The following ANKS1B variants were observed in gnomAD, a reference collection of about 807,000 sequenced individuals.
ANKS1B encodes ankyrin repeat and sterile alpha motif domain containing 1B.
Under a neutral mutation model 148.3 loss-of-function variants are expected in ANKS1B, and 36 were observed. That is an observed-to-expected ratio of 0.24 (90% CI 0.19 to 0.32). The LOEUF is 0.32. ANKS1B is among the 10% of genes least tolerant of loss of function. The probability of loss-of-function intolerance (pLI) is 1.00; values close to 1 mark genes in which losing one functional copy is unlikely to be tolerated. For synonymous variants in ANKS1B, 542 were observed against 560.8 expected (o/e 0.97, Z 0.47); for missense variants, 1,157 against 1,542.6 (o/e 0.75, Z 4.19).
At chr12:99,334,467 A>C (rs753004237) in intron 12 of ANKS1B, among the ~76,000 whole-genome samples, 11 of 152,080 alleles carry the variant, frequency 7.2e-5, no homozygotes, top group Non-Finnish European at 1.5e-4. Flanking sequence ...AATAATATTC[A>C]TATCTCCACC....
At chr12:99,566,105 A>C (rs1363912418) in intron 9 of ANKS1B, among the ~76,000 whole-genome samples, 1 of 152,200 alleles carries the variant, frequency 6.6e-6, no homozygotes, top group Non-Finnish European at 1.5e-5. Context: ...TCTCAATGCC[A>C]TACTTTTGGC....
At chr12:98,942,755 AC>A (rs1240536648) in intron 17 of ANKS1B, among the ~76,000 whole-genome samples, 1 of 152,188 alleles carries the variant, frequency 6.6e-6, no homozygotes, top group Admixed American at 6.5e-5. Flanking sequence ...TGCATCAAAC[AC>A]CCCAACTGAT....
chr12:98,817,954 G>A (rs2099154497), intron 19 of ANKS1B, among the ~76,000 whole-genome samples: 1 of 152,166 alleles, frequency 6.6e-6, no homozygotes, highest in Non-Finnish European at 1.5e-5. Context: ...ACATCTGCAC[G>A]TGTGACCCAT....
chr12:99,551,153 A>G (rs1291217543), intron 9 of ANKS1B, among the ~76,000 whole-genome samples: 1 of 152,168 alleles, frequency 6.6e-6, no homozygotes, highest in Non-Finnish European at 1.5e-5. Flanking sequence ...AGTAGTGTAA[A>G]CAAAACACCT....
chr12:99,489,023 C>T (rs2096529434), intron 10 of ANKS1B, among the ~76,000 whole-genome samples: 1 of 151,960 alleles, frequency 6.6e-6, no homozygotes, highest in Admixed American at 6.5e-5. Flanking sequence ...GTGGGCAAAT[C>T]ATAACATCAG....
intron 1 of ANKS1B, among the ~76,000 whole-genome samples, chr12:99,913,275 T>C (rs2094063602): frequency 6.6e-6 from 1 of 152,114 alleles, no homozygotes; most frequent in African/African-American, 2.4e-5. Context: ...ATTTCCTCGA[T>C]CTAGCCAATG....
At chr12:99,831,080 C>T (rs2083915220) in intron 1 of ANKS1B, among the ~76,000 whole-genome samples, 1 of 152,034 alleles carries the variant, frequency 6.6e-6, no homozygotes, top group South Asian at 2.1e-4. Context: ...GTCTGTCTCC[C>T]CACTAGAATG....
intron 12 of ANKS1B, among the ~76,000 whole-genome samples, chr12:99,326,474 C>T (rs1373074017): frequency 2.7e-5 from 4 of 149,478 alleles, no homozygotes; most frequent in Non-Finnish European, 5.9e-5. Flanking sequence ...ATTAGGCATC[C>T]GCCTTACCAT....
chr12:99,425,704 T>C (rs1432783976), intron 11 of ANKS1B, among the ~76,000 whole-genome samples: 5 of 151,906 alleles, frequency 3.3e-5, no homozygotes, highest in African/African-American at 1.2e-4. Context: ...CTTTTATTTA[T>C]TATTATTCTT....
chr12:99,253,174 C>T (rs2074841900), intron 12 of ANKS1B, among the ~76,000 whole-genome samples: 1 of 151,426 alleles, frequency 6.6e-6, no homozygotes, highest in Admixed American at 6.6e-5. Context: ...CTGCGGTGAG[C>T]TTTGATCATG....
chr12:99,781,814 C>T (rs1158838614), intron 5 of ANKS1B, among the ~76,000 whole-genome samples: 1 of 152,096 alleles, frequency 6.6e-6, no homozygotes, highest in African/African-American at 2.4e-5. Context: ...GTACTTAAAA[C>T]ATCTATTGCA....
chr12:99,575,445 A>G (rs1338997025), intron 9 of ANKS1B, among the ~76,000 whole-genome samples: 4 of 152,092 alleles, frequency 2.6e-5, no homozygotes, highest in African/African-American at 9.7e-5. Context: ...TCACACTGCT[A>G]ATAAAGACAT....
chr12:98,789,868 C>T (rs889229713), intron 22 of ANKS1B, among the ~76,000 whole-genome samples: 17 of 152,114 alleles, frequency 1.1e-4, no homozygotes, highest in South Asian at 2.1e-4. Context: ...TTAAAATACA[C>T]GGTAAAACAG....
At chr12:98,894,610 G>T in intron 17 of ANKS1B, 1 of 984,954 alleles carries the variant, frequency 1.0e-6, no homozygotes, top group Non-Finnish European at 1.2e-6. Context: ...GAGCGAGGGG[G>T]CCGCTGTGCC....
intron 1 of ANKS1B, among the ~76,000 whole-genome samples, chr12:99,875,896 A>G (rs1467333884): frequency 6.6e-6 from 1 of 152,226 alleles, no homozygotes; most frequent in Non-Finnish European, 1.5e-5. Flanking sequence ...AAAACAGAAA[A>G]TAATAAGGGC....
intron 9 of ANKS1B, among the ~76,000 whole-genome samples, chr12:99,595,165 G>T (rs2097745370): frequency 6.6e-6 from 1 of 151,848 alleles, no homozygotes; most frequent in African/African-American, 2.4e-5. Context: ...AACTCCATGA[G>T]ACCAAAATGT....
chr12:99,179,205 G>A (rs1183439901), intron 14 of ANKS1B, among the ~76,000 whole-genome samples: 1 of 151,882 alleles, frequency 6.6e-6, no homozygotes, highest in Non-Finnish European at 1.5e-5. Flanking sequence ...GAGGTGGGCG[G>A]ATCACGAGGT....
At chr12:98,743,805 G>A (rs571923496), downstream of ANKS1B, among the ~76,000 whole-genome samples, 12 of 152,246 alleles carry the variant, frequency 7.9e-5, no homozygotes, top group Non-Finnish European at 1.5e-4. Context: ...AGTTTCAGAG[G>A]CCTGTGTATC....
chr12:99,353,863 T>C (rs1459890063), intron 12 of ANKS1B, among the ~76,000 whole-genome samples: 26 of 152,048 alleles, frequency 1.7e-4, no homozygotes, highest in Non-Finnish European at 1.5e-5. Flanking sequence ...CTTCTTTCTA[T>C]GTAATCCTAT....
Sources: allele counts gnomAD v4.1 joint callset (sites outside exome capture counted in the v4.1 genomes callset), GRCh38; gene constraint gnomAD v4.1.1; transcripts MANE v1.5; gene names NCBI Gene and HGNC (gene_info 2026-07-23, HGNC 2026-07-21).